Variants in ESPL1 observed in about 807,000 individuals in gnomAD.
The protein encoded by ESPL1 is separin.
ESPL1 carries 50 observed loss-of-function variants against 217.2 expected under a neutral mutation model. The observed-to-expected ratio is 0.23, with a 90% CI of 0.18 to 0.29. The LOEUF (loss-of-function observed/expected upper bound fraction) is 0.29. ESPL1 is among the 10% of genes least tolerant of loss of function. The pLI is 1.00. For synonymous variants in ESPL1, 994 were observed against 1,081.3 expected (o/e 0.92, Z 1.58); for missense variants, 1,834 against 2,603.0 (o/e 0.70, Z 6.43).
chr12:53,275,083 A>G (rs1943743020), intron 7 of ESPL1, 73 bp downstream of exon 7: 3 of 1,244,292 alleles, frequency 2.4e-6, no homozygotes, highest in Non-Finnish European at 3.3e-6. Context: ...CGGGTGGATC[A>G]CTTGAGGTCA....
chr12:53,271,785 T>G (rs567158556), intron 5 of ESPL1, among the ~76,000 whole-genome samples: 1 of 152,066 alleles, frequency 6.6e-6, no homozygotes, highest in Non-Finnish European at 1.5e-5. Context: ...TAAGTTATTA[T>G]CATTTATTCA....
chr12:53,286,498 A>C lies in ESPL1; in HGVS notation c.3762A>C (p.Val1254=), dbSNP rs760328362. 3.1e-6 allele frequency: 5 copies of C among 1,614,098 alleles called. No homozygotes were observed. In the Admixed American group the frequency reaches 8.3e-5, roughly 27 times the overall value. Residue 1254 remains valine, a synonymous_variant, in exon 18 of 31, where the codon GTA becomes GTC. Coordinates refer to ENST00000257934, the MANE Select transcript of ESPL1 (RefSeq NM_012291.5). The surrounding 1 kb of genome is among the most constrained non-coding windows in gnomAD (Gnocchi z 5.3). ...TTCTACAGTCAGGGCTGAAGTTTGTAGCAGCACGGATACCCCACCTAGAGC... is the reference window on the plus strand; with the variant it reads ...TTCTACAGTCAGGGCTGAAGTTTGTCGCAGCACGGATACCCCACCTAGAGC... The part of the protein sequence containing the change: ...QKVLQSGLKF[V]AARIPHLEPW...
At chr12:53,290,752 A>G in intron 24 of ESPL1, 89 bp from the exon 25 acceptor site, 1 of 233,994 alleles carries the variant, frequency 4.3e-6, no homozygotes, top group Non-Finnish European at 5.3e-6. Context: ...CACATTGGAA[A>G]ACGCATTTTC....
chr12:53,288,232 G>T lies in ESPL1; in HGVS notation c.4437G>T (p.Arg1479Ser). ...CCCAGAGGGCCAGTGACCAGGCCAG[G>T]CCTGGCCCTGAGATCATGAGGACCA... Reference protein sequence around the residue: ...RRPQRASDQARPGPEIMRTIP... With the variant: ...RRPQRASDQASPGPEIMRTIP... Residue 1479 changes from arginine to serine, a missense_variant, in exon 19 of 31, where the codon AGG becomes AGT. Around this residue, in one of 5 missense-constraint regions of ESPL1, gnomAD observed 681 missense variants for 808.0 expected, o/e 0.84. Coordinates refer to ENST00000257934, the MANE Select transcript of ESPL1 (RefSeq NM_012291.5). The T allele has an allele frequency of 6.2e-7, 1 of 1,609,900 alleles. No homozygotes were observed. Among genetic ancestry groups the T allele is most frequent in the African/African-American group, 1.3e-5 (1 of 75,048 alleles).
intron 5 of ESPL1, among the ~76,000 whole-genome samples, chr12:53,271,112 C>G (rs974441670): frequency 1.1e-4 from 16 of 147,918 alleles, no homozygotes; most frequent in Non-Finnish European, 1.9e-4. Context: ...TTTTTTTTTC[C>G]TTTTCTTCAC....
At chr12:53,289,944 C>G (rs1188302070) in intron 22 of ESPL1, 141 bp from the exon 23 acceptor site, 63 of 861,734 alleles carry the variant, frequency 7.3e-5, no homozygotes, top group Non-Finnish European at 1.1e-4. Context: ...GCTATTAGAG[C>G]AAGGGAGAGC....
At position 53,289,421 on chromosome 12, in the gene ESPL1, G is replaced by A. The variant is rs749239351; in HGVS notation, c.4940G>A (p.Arg1647Gln). The A allele has an allele frequency of 1.2e-5, 20 of 1,613,784 alleles. No homozygotes were observed. Among genetic ancestry groups the A allele is most frequent in the South Asian group, 1.2e-4 (11 of 91,082 alleles). Residue 1647 changes from arginine (R) to glutamine (Q), a missense_variant, in exon 22 of 31, where the codon CGA becomes CAA. Coordinates refer to ENST00000257934, the MANE Select transcript of ESPL1 (RefSeq NM_012291.5). Reference sequence around the variant, plus strand: ...GCTTGCAGCAAGGCCCAGAAGCACCGAGGATCACTTGAAATAGCAGACCAG... The same window carrying A: ...GCTTGCAGCAAGGCCCAGAAGCACCAAGGATCACTTGAAATAGCAGACCAG... ...HRQLSKAQKH[R>Q]GSLEIADQLQ...
chr12:53,268,528 T>C (rs1943608381), intron 1 of ESPL1, 151 bp downstream of exon 1: 1 of 526,432 alleles, frequency 1.9e-6, no homozygotes, highest in Non-Finnish European at 3.4e-6. Context: ...GGCCGAGGCC[T>C]CTGGGGTAGC....
chr12:53,291,674 CACT>C lies in ESPL1; in HGVS notation c.5521-15_5521-13del, dbSNP rs757440736. 3 of 1,611,068 alleles carry C rather than the reference CACT, an allele frequency of 1.9e-6. No individual in the cohort carries two copies. Among genetic ancestry groups the C allele is most frequent in the South Asian group, 2.2e-5 (2 of 90,644 alleles). On this transcript the variant is annotated splice_polypyrimidine_tract_variant and intron_variant, in intron 25 of 30. Coordinates refer to ENST00000257934, the MANE Select transcript of ESPL1 (RefSeq NM_012291.5). The stretch of plus-strand genomic sequence containing the variant: ...CATGAATGAAGATGGTGCTCACCAC[CACT>C]GTTTCCCTGCAGATCATGCTCAGTG...
In ESPL1 at chr12:53,282,650, T is replaced by C. The variant is rs776374717; in HGVS notation, c.2791+215T>C. On this transcript the variant is annotated intron_variant, in intron 14 of 30. Transcript: ENST00000257934. The surrounding 1 kb of genome is among the most constrained non-coding windows in gnomAD (Gnocchi z 4.0). ...TGGAATACTAGGCTGAAAGGATTTT[T>C]TTTTCTTTTCTTTTTTTTCTAAGAC... Among the ~76,000 whole-genome samples the C allele has an allele frequency of 6.6e-5, 10 of 152,154 alleles. No individual in the cohort carries two copies. Among genetic ancestry groups the C allele is most frequent in the Non-Finnish European group, 1.3e-4 (9 of 68,034 alleles).
chr12:53,291,762 C>A lies in ESPL1; in HGVS notation c.5593C>A (p.Gln1865Lys), dbSNP rs776590083. 6.2e-7 allele frequency: 1 copy of A among 1,613,572 alleles called. No individual in the cohort carries two copies. Among genetic ancestry groups the A allele is most frequent in the Non-Finnish European group, 8.5e-7 (1 of 1,179,838 alleles). The change falls in exon 26 of 31, where the codon CAG (glutamine) becomes AAG (lysine). Residue 1865 changes from glutamine to lysine, a missense_variant. Coordinates refer to ENST00000257934, the MANE Select transcript of ESPL1 (RefSeq NM_012291.5). ...CCTGGCCTACGGGCTGTGCCCAACC[C>A]AGCCAGAGCGAGCCCAGGAGCTCCT... is the stretch of plus-strand genomic sequence containing the variant. ...QALAYGLCPTQPERAQELLNE... is the reference protein window; with the variant it reads ...QALAYGLCPTKPERAQELLNE...
rs1184900228 is a variant in ESPL1 at position 53,292,547 on chromosome 12, A to C, written c.5913-27A>C. Reference sequence around the variant, plus strand: ...CCTGACCCCTGCCATGCATTTCCCTATTCTCACACCTGCCTTTTCCCTGCA... The same window carrying C: ...CCTGACCCCTGCCATGCATTTCCCTCTTCTCACACCTGCCTTTTCCCTGCA... On this transcript the variant is annotated intron_variant, in intron 28 of 30. Coordinates refer to ENST00000257934, the MANE Select transcript of ESPL1 (RefSeq NM_012291.5). This position sits in a 1 kb window ranked among gnomAD's most constrained non-coding sequence, Gnocchi z 4.5. 2 of 1,599,064 alleles carry C rather than the reference A, an allele frequency of 1.3e-6. No homozygotes were observed. The highest frequency in any genetic ancestry group is 1.7e-6 in the Non-Finnish European group (2 of 1,169,124).
Position 53,285,920 on chromosome 12 carries a change from C to T in ESPL1, c.3188-4C>T. The T allele has an allele frequency of 6.6e-7, 1 of 1,514,484 alleles. No homozygotes were observed. The highest frequency in any genetic ancestry group is 8.9e-7 in the Non-Finnish European group (1 of 1,129,530). The allele number at this position is 1,514,484 out of a possible 1,614,324, so 93.8% of individuals were successfully genotyped here. On this transcript the variant is annotated splice_polypyrimidine_tract_variant and splice_region_variant and intron_variant, in intron 17 of 30. Coordinates refer to ENST00000257934, the MANE Select transcript of ESPL1 (RefSeq NM_012291.5). Reference sequence around the variant, plus strand: ...TTGTAATTCTTGTTCTGCCTTCTCCCCAGAGTTTGGTGGGGTGACTCAGCA... The same window carrying T: ...TTGTAATTCTTGTTCTGCCTTCTCCTCAGAGTTTGGTGGGGTGACTCAGCA...
intron 12 of ESPL1, among the ~76,000 whole-genome samples, chr12:53,280,397 C>A (rs548435982): frequency 6.6e-6 from 1 of 152,292 alleles, no homozygotes; most frequent in Admixed American, 6.5e-5. Flanking sequence ...AGTATATTGA[C>A]TTTGGAAACA....
At position 53,293,564 on chromosome 12, in the gene ESPL1, T is replaced by TAA; in HGVS notation, c.*90_*91insAA. 1 of 987,204 alleles carries TAA rather than the reference T, an allele frequency of 1.0e-6. No homozygotes were observed. The highest frequency in any genetic ancestry group is 1.4e-5 in the South Asian group (1 of 71,718). The allele number at this position is 987,204 out of a possible 1,614,324, so 61.2% of individuals were successfully genotyped here. A position where few individuals can be genotyped will look rare whatever the true frequency, so the allele number is the denominator to read the frequency against. ...AATCCTTAGGATAACTCTTTTAAAG[T>TAA]GATTTTCCCCAGTGTTTTATATGAA... is the stretch of plus-strand genomic sequence containing the variant. On this transcript the variant is annotated 3_prime_UTR_variant, in exon 31 of 31. Coordinates refer to ENST00000257934, the MANE Select transcript of ESPL1 (RefSeq NM_012291.5). The surrounding 1 kb of genome is among the most constrained non-coding windows in gnomAD (Gnocchi z 4.2).
rs4758963 is a variant in ESPL1 at position 53,270,364 on chromosome 12, G to A, written c.1144-14G>A. On this transcript the variant is annotated splice_polypyrimidine_tract_variant and intron_variant, in intron 3 of 30. Transcript: ENST00000257934. ...TCTCTACTCCTCATACCAACCTTCC[G>A]CTTCCTTCCTCAGGTGTATGGGGGC... is the stretch of plus-strand genomic sequence containing the variant. The A allele has an allele frequency of 0.48, 755,568 of 1,580,886 alleles. 183,976 individuals are homozygous for A. The highest frequency in any genetic ancestry group is 0.59 in the East Asian group (26,451 of 44,698).
At chr12:53,284,849 T>C (rs918228483) in intron 17 of ESPL1, among the ~76,000 whole-genome samples, 2 of 151,340 alleles carry the variant, frequency 1.3e-5, no homozygotes, top group Admixed American at 6.6e-5. Flanking sequence ...CCATCTCTAC[T>C]AATAATACAA....
rs1214191338 is a variant in ESPL1, at chr12:53,270,732, G to C, written c.1303G>C (p.Val435Leu). 1 of 1,614,186 alleles carries C rather than the reference G, an allele frequency of 6.2e-7. No homozygotes were observed. The highest frequency in any genetic ancestry group is 8.5e-7 in the Non-Finnish European group (1 of 1,180,026). Residue 435 changes from valine (V) to leucine (L), a missense_variant, in exon 5 of 31, where the codon GTC (valine) becomes CTC (leucine). Transcript: ENST00000257934. ...QLVDSCKSTV[V>L]WMLEALEGLS... is the part of the protein sequence containing the mutation. ...AGTGGACAGTTGTAAATCTACCGTTGTCTGGATGCTGGAGGCCTTAGAGGG... is the reference window on the plus strand; with the variant it reads ...AGTGGACAGTTGTAAATCTACCGTTCTCTGGATGCTGGAGGCCTTAGAGGG...
At chr12:53,273,430 A>C (rs1414790050) in intron 6 of ESPL1, among the ~76,000 whole-genome samples, 1 of 151,744 alleles carries the variant, frequency 6.6e-6, no homozygotes, top group Non-Finnish European at 1.5e-5. Context: ...CCTTTAAGAA[A>C]ATTCTAATGT....
Sources: allele counts gnomAD v4.1 joint callset (sites outside exome capture counted in the v4.1 genomes callset), GRCh38; gene constraint gnomAD v4.1.1; regional missense constraint gnomAD v4.1.1; non-coding constraint Gnocchi (gnomAD v3.1); transcripts MANE v1.5; gene names NCBI Gene and HGNC (gene_info 2026-07-23, HGNC 2026-07-21).